SDK1: variants seen among roughly 807,000 people sequenced by gnomAD.
The protein encoded by SDK1 is sidekick cell adhesion molecule 1.
Under a neutral mutation model 245.5 loss-of-function variants are expected in SDK1, and 157 were observed. The ratio of observed to expected loss-of-function variants is 0.64; its 90% CI spans 0.56 to 0.73. The LOEUF is 0.73. Among genes scored for constraint, SDK1 ranks in the 30% least tolerant of loss-of-function variants. The probability of loss-of-function intolerance (pLI) is 0.00; values close to 1 mark genes in which losing one functional copy is unlikely to be tolerated. For missense variants in SDK1, 3,583 were observed against 3,002.3 expected (o/e 1.19, Z -4.52); for synonymous variants, 1,647 against 1,278.5 (o/e 1.29, Z -6.15).
At chr7:3,665,492 A>G (rs993515377) in intron 4 of SDK1, among the ~76,000 whole-genome samples, 9 of 152,180 alleles carry the variant, frequency 5.9e-5, no homozygotes, top group African/African-American at 1.9e-4. Context: ...CTTGTATACA[A>G]CACACCATAG....
rs145853044 is a variant in SDK1, at chr7:3,735,789, A to G, written c.714-85661A>G. 9.3e-4 allele frequency among the ~76,000 whole-genome samples: 142 copies of G among 152,326 alleles called. 1 individual carries two copies. Among genetic ancestry groups the G allele is most frequent in the African/African-American group, 3.3e-3 (139 of 41,566 alleles). On this transcript the variant is annotated intron_variant, in intron 4 of 44. Transcript: ENST00000404826. ...TTTTACATTTTACTTTCCCACTGAC[A>G]GTGCACAAGATCTCCAGTTTCCCCA...
chr7:3,335,347 G>A (rs1278365736), intron 1 of SDK1, among the ~76,000 whole-genome samples: 1 of 151,478 alleles, frequency 6.6e-6, no homozygotes, highest in African/African-American at 2.4e-5. Context: ...CTTCCAAGCT[G>A]TCTCCTGATT....
intron 1 of SDK1, among the ~76,000 whole-genome samples, chr7:3,488,427 CTT>C: frequency 6.6e-6 from 1 of 152,046 alleles, no homozygotes; most frequent in South Asian, 2.1e-4. Flanking sequence ...CATTTCCCTT[CTT>C]TAGCTATTTT....
At chr7:4,216,799 A>G (rs1438666072) in intron 38 of SDK1, among the ~76,000 whole-genome samples, 2 of 152,176 alleles carry the variant, frequency 1.3e-5, no homozygotes, top group African/African-American at 4.8e-5. Flanking sequence ...CAAGGCAAAT[A>G]GAGGGTACAG....
chr7:3,983,287 A>G (rs117342463), intron 13 of SDK1, among the ~76,000 whole-genome samples: 36 of 152,348 alleles, frequency 2.4e-4, no homozygotes, highest in Non-Finnish European at 4.1e-4. Flanking sequence ...CACATGCTAC[A>G]GAAAAGTCTT....
intron 5 of SDK1, among the ~76,000 whole-genome samples, chr7:3,859,702 G>A (rs79056306): frequency 0.053 from 8,082 of 152,206 alleles, 694 homozygotes; most frequent in African/African-American, 0.18. Context: ...ACAGCCAGAT[G>A]CTCATTGGCT....
chr7:3,672,759 T>TTTTATATA (rs1554307102), intron 4 of SDK1, among the ~76,000 whole-genome samples: 8 of 50,742 alleles, frequency 1.6e-4, no homozygotes, highest in African/African-American at 7.0e-4. Context: ...ATATATAATT[T>TTTTATATA]TATATATATA....
At chr7:4,260,925 C>A (rs1015155194) in intron 44 of SDK1, among the ~76,000 whole-genome samples, 1 of 152,224 alleles carries the variant, frequency 6.6e-6, no homozygotes, top group Non-Finnish European at 1.5e-5. Flanking sequence ...TGTCTTACGT[C>A]TGCAATTCTC....
chr7:4,021,072 C>T (rs1271510375), intron 17 of SDK1, among the ~76,000 whole-genome samples: 1 of 152,164 alleles, frequency 6.6e-6, no homozygotes, highest in Non-Finnish European at 1.5e-5. Flanking sequence ...CAAACAGAGA[C>T]ACTCAAGAAT....
At chr7:3,657,767 G>T (rs964271534) in intron 4 of SDK1, among the ~76,000 whole-genome samples, 1 of 152,132 alleles carries the variant, frequency 6.6e-6, no homozygotes, top group Non-Finnish European at 1.5e-5. Flanking sequence ...ATCTTTCTGC[G>T]AGACTACTCT....
intron 40 of SDK1, among the ~76,000 whole-genome samples, chr7:4,228,511 C>A (rs1785567002): frequency 6.6e-6 from 1 of 152,198 alleles, no homozygotes; most frequent in Non-Finnish European, 1.5e-5. Context: ...TTTTAGGGGA[C>A]ATGACTGTCC....
intron 40 of SDK1, among the ~76,000 whole-genome samples, chr7:4,223,617 C>A (rs190344268): frequency 2.0e-5 from 3 of 152,150 alleles, no homozygotes; most frequent in Non-Finnish European, 4.4e-5. Flanking sequence ...TTTATGAGGA[C>A]GCCAGTCATA....
chr7:3,384,329 A>G (rs1454968862), intron 1 of SDK1, among the ~76,000 whole-genome samples: 2 of 152,170 alleles, frequency 1.3e-5, no homozygotes, highest in Non-Finnish European at 2.9e-5. Flanking sequence ...ATTTTATAAA[A>G]CTTTGATTTT....
chr7:3,545,123 G>C (rs1376329189), intron 1 of SDK1, among the ~76,000 whole-genome samples: 1 of 152,132 alleles, frequency 6.6e-6, no homozygotes, highest in Non-Finnish European at 1.5e-5. Context: ...ACAGAGGGCT[G>C]CTTCTGACCA....
intron 35 of SDK1, among the ~76,000 whole-genome samples, chr7:4,198,321 G>A (rs1473201017): frequency 6.6e-6 from 1 of 152,214 alleles, no homozygotes; most frequent in African/African-American, 2.4e-5. Flanking sequence ...CAGCTGTAGG[G>A]TTAAAGGATG....
In SDK1 at chr7:3,974,524, G is replaced by A. The variant is rs750359198; in HGVS notation, c.1973G>A (p.Arg658Lys). 2.5e-6 allele frequency: 4 copies of A among 1,614,162 alleles called. No homozygotes were observed. Among genetic ancestry groups the A allele is most frequent in the East Asian group, 2.2e-5 (1 of 44,860 alleles). The change falls in exon 13 of 45, where the codon AGG (arginine) becomes AAG (lysine). Residue 658 changes from arginine (R) to lysine (K), a missense_variant. Arg to Lys is a conservative substitution (Grantham distance 26). Coordinates refer to ENST00000404826, the MANE Select transcript of SDK1 (RefSeq NM_152744.4). ...EIVSEGGNDS[R>K]MARLEVIELP... Reference sequence around the variant, plus strand: ...GTTTCTGAAGGAGGGAATGACTCCAGGATGGCCCGGCTGGAAGTGATGTGA... The same window carrying A: ...GTTTCTGAAGGAGGGAATGACTCCAAGATGGCCCGGCTGGAAGTGATGTGA...
In SDK1 at chr7:3,949,207, C is replaced by G. The variant is rs3735306; in HGVS notation, c.848-1716C>G. Among the ~76,000 whole-genome samples the G allele has an allele frequency of 3.9e-5, 6 of 152,316 alleles. No individual in the cohort carries two copies. In the East Asian group the frequency reaches 1.2e-3, roughly 29 times the overall value. ...AGATGGGGAAGGCTGCCTCAGCCCC[C>G]CAGGGACCCAGGGCTGGGTGAGAGT... On this transcript the variant is annotated intron_variant, in intron 5 of 44. Transcript: ENST00000404826.
At chr7:4,146,953 C>T (rs143810209) in intron 29 of SDK1, among the ~76,000 whole-genome samples, 1 of 152,226 alleles carries the variant, frequency 6.6e-6, no homozygotes, top group African/African-American at 2.4e-5. Context: ...CGACTCTTCC[C>T]ATGAAAGTCT....
At chr7:3,699,928 A>G (rs73302253) in intron 4 of SDK1, among the ~76,000 whole-genome samples, 3,717 of 152,268 alleles carry the variant, frequency 0.024, 152 homozygotes, top group African/African-American at 0.085. Context: ...CTAAGGACAA[A>G]GAAAAAAAAT....
Sources: gnomAD v4.1 joint callset for allele counts (sites outside exome capture counted in the v4.1 genomes callset) on GRCh38, gnomAD v4.1.1 for gene constraint, MANE v1.5 for transcripts, NCBI Gene and HGNC (gene_info 2026-07-23, HGNC 2026-07-21) for gene names.